The following GABRB3 variants were observed in gnomAD, a reference collection of about 807,000 sequenced individuals.
GABRB3 encodes gamma-aminobutyric acid type A receptor subunit beta3, also known as gamma-aminobutyric acid receptor subunit beta-3.
In GABRB3, 14 loss-of-function variants were observed where a neutral mutation model predicts 52.1. The observed-to-expected ratio is 0.27, with a 90% CI of 0.18 to 0.42. The LOEUF is 0.42. GABRB3 is among the 10% of genes least tolerant of loss of function. The pLI, the probability that GABRB3 is intolerant of heterozygous loss-of-function variation, is 1.00. For synonymous variants in GABRB3, 260 were observed against 232.3 expected (o/e 1.12, Z -1.08); for missense variants, 307 against 609.1 (o/e 0.50, Z 5.22).
Position 26,683,182 on chromosome 15 carries a change from C to T in GABRB3, c.241-61648G>A, listed in dbSNP as rs113305821. Among the ~76,000 whole-genome samples the T allele has an allele frequency of 2.5e-3, 386 of 152,126 alleles. 3 individuals carry two copies. The highest frequency in any genetic ancestry group is 8.5e-3 in the African/African-American group (354 of 41,500). On this transcript the variant is annotated intron_variant, in intron 3 of 8. Coordinates refer to ENST00000311550, the MANE Select transcript of GABRB3 (RefSeq NM_000814.6). ...ATGCGGATTGTAAACACTCTTTTGTCGGGCCTCTATTATAAAATAATAGAA... is the reference window on the plus strand; with the variant it reads ...ATGCGGATTGTAAACACTCTTTTGTTGGGCCTCTATTATAAAATAATAGAA...
chr15:26,658,843 C>G (rs1329945109), intron 3 of GABRB3: 1 of 152,140 alleles, frequency 6.6e-6, no homozygotes, highest in Non-Finnish European at 1.5e-5. Context: ...TGCTATGTTG[C>G]CAATTGAAAC....
chr15:26,590,020 T>C (rs78757628), intron 4 of GABRB3, among the ~76,000 whole-genome samples: 1,621 of 152,246 alleles, frequency 0.011, 34 homozygotes, highest in African/African-American at 0.037. Context: ...ATGGACTCTG[T>C]TGAGAACCTC....
rs78337857 is a variant in GABRB3, at chr15:26,607,299, C to A, written c.461+14015G>T. ...ATCTATGTATATCTACAGACTCCAC[C>A]AAAGAACTGATATAACTAATTTAAA... On this transcript the variant is annotated intron_variant, in intron 4 of 8. Transcript: ENST00000311550. Among the ~76,000 whole-genome samples, 944 of 152,172 alleles carry A rather than the reference C, an allele frequency of 6.2e-3. 10 individuals are homozygous for A. The highest frequency in any genetic ancestry group is 0.022 in the African/African-American group (896 of 41,514).
At chr15:26,769,756 C>A (rs1384825035) in intron 3 of GABRB3, among the ~76,000 whole-genome samples, 2 of 152,138 alleles carry the variant, frequency 1.3e-5, no homozygotes, top group African/African-American at 4.8e-5. Flanking sequence ...CAGCTTCTCT[C>A]GTCCCTCCTC....
chr15:26,681,733 G>A (rs1462713976), intron 3 of GABRB3, among the ~76,000 whole-genome samples: 3 of 152,272 alleles, frequency 2.0e-5, no homozygotes, highest in Middle Eastern at 3.4e-3. Flanking sequence ...AGGCCAAGGT[G>A]GGTGAATAGC....
intron 8 of GABRB3, among the ~76,000 whole-genome samples, chr15:26,554,035 A>ATATATATATATATATATATATAT (rs1555400769): frequency 6.2e-5 from 5 of 80,396 alleles, no homozygotes; most frequent in African/African-American, 2.5e-4. Flanking sequence ...ATATATATAT[A>ATATATATATATATATATATATAT]TTTATTTATT....
intron 3 of GABRB3, among the ~76,000 whole-genome samples, chr15:26,679,865 G>T (rs945531789): frequency 1.3e-5 from 2 of 152,194 alleles, no homozygotes; most frequent in Non-Finnish European, 2.9e-5. Flanking sequence ...TATGTGGAGA[G>T]ACTGAGCCCT....
chr15:26,674,988 A>G (rs886495998), intron 3 of GABRB3, among the ~76,000 whole-genome samples: 4 of 152,182 alleles, frequency 2.6e-5, no homozygotes, highest in Admixed American at 6.5e-5. Flanking sequence ...ATATAATCCA[A>G]GCATCTGCCT....
chr15:26,746,316 T>C (rs773352776), intron 3 of GABRB3, among the ~76,000 whole-genome samples: 8 of 152,174 alleles, frequency 5.3e-5, no homozygotes, highest in Non-Finnish European at 7.3e-5. Context: ...GATTGTTTGT[T>C]ACTGCTGAAT....
At chr15:26,578,627 C>T (rs1595455057) in intron 6 of GABRB3, among the ~76,000 whole-genome samples, 1 of 152,222 alleles carries the variant, frequency 6.6e-6, no homozygotes, top group Non-Finnish European at 1.5e-5. Context: ...AAACACCTCA[C>T]CTGGCTTTCT....
chr15:26,708,247 C>A (rs1889169921), intron 3 of GABRB3, among the ~76,000 whole-genome samples: 1 of 152,118 alleles, frequency 6.6e-6, no homozygotes, highest in Admixed American at 6.5e-5. Flanking sequence ...ATGACAGTCA[C>A]CCTCAAGAAA....
chr15:26,671,742 T>G (rs1887904797), intron 3 of GABRB3, among the ~76,000 whole-genome samples: 1 of 152,236 alleles, frequency 6.6e-6, no homozygotes, highest in Admixed American at 6.5e-5. Flanking sequence ...TTTGTACTAT[T>G]AAGAAGCTGA....
chr15:26,604,267 G>A (rs1446159117), intron 4 of GABRB3, among the ~76,000 whole-genome samples: 1 of 151,964 alleles, frequency 6.6e-6, no homozygotes, highest in Non-Finnish European at 1.5e-5. Context: ...AAATTGAAGA[G>A]GACACAAAAC....
At chr15:26,549,638 C>T (rs1182654361) in intron 8 of GABRB3, among the ~76,000 whole-genome samples, 3 of 152,006 alleles carry the variant, frequency 2.0e-5, no homozygotes, top group Non-Finnish European at 4.4e-5. Context: ...CTAAGCATGC[C>T]CAGATGAACC....
chr15:26,563,140 T>C (rs1047480952), intron 7 of GABRB3, among the ~76,000 whole-genome samples: 1 of 152,222 alleles, frequency 6.6e-6, no homozygotes, highest in East Asian at 1.9e-4. Flanking sequence ...GTCACGACTT[T>C]GCCTCTCCTG....
At chr15:26,674,493 A>AGAAAAG (rs1293162181) in intron 3 of GABRB3, among the ~76,000 whole-genome samples, 1 of 151,052 alleles carries the variant, frequency 6.6e-6, no homozygotes, top group Non-Finnish European at 1.5e-5. Flanking sequence ...AGAGAGAGAA[A>AGAAAAG]GAAAAGGAAA....
chr15:26,558,847 A>AAAAGAAAGAAAGAAAG (rs537158362), intron 8 of GABRB3, among the ~76,000 whole-genome samples: 1 of 151,846 alleles, frequency 6.6e-6, no homozygotes, highest in East Asian at 1.9e-4. Context: ...TCAAAAAAAA[A>AAAAGAAAGAAAGAAAG]AAAGAAAGAA....
chr15:26,650,308 G>GCCC (rs1315366825), intron 3 of GABRB3, among the ~76,000 whole-genome samples: 1 of 152,046 alleles, frequency 6.6e-6, no homozygotes, highest in Non-Finnish European at 1.5e-5. Flanking sequence ...CCTCACCCCA[G>GCCC]CCCCATGCAT....
At chr15:26,563,256 T>C (rs1668457970) in intron 7 of GABRB3, among the ~76,000 whole-genome samples, 1 of 152,162 alleles carries the variant, frequency 6.6e-6, no homozygotes, top group African/African-American at 2.4e-5. Context: ...TCACAGGCAC[T>C]CAGCCTGGTA....
Sources: allele counts gnomAD v4.1 joint callset (sites outside exome capture counted in the v4.1 genomes callset), GRCh38; gene constraint gnomAD v4.1.1; transcripts MANE v1.5; gene names NCBI Gene and HGNC (gene_info 2026-07-23, HGNC 2026-07-21).